RALYL: variants seen among roughly 807,000 people sequenced by gnomAD.
RALYL encodes the protein RALY RNA binding protein like.
Under a neutral mutation model 35.1 loss-of-function variants are expected in RALYL, and 29 were observed. The observed-to-expected ratio is 0.83, with a 90% confidence interval of 0.61 to 1.13. The LOEUF (loss-of-function observed/expected upper bound fraction) is 1.13, where lower values mean the gene tolerates loss of function less well. Among genes scored for constraint, RALYL ranks in the 50% most tolerant of loss-of-function variants. The probability of loss-of-function intolerance (pLI) is 0.00; values close to 1 mark genes in which losing one functional copy is unlikely to be tolerated. For missense variants in RALYL, 359 were observed against 360.4 expected (o/e 1.00, Z 0.03); for synonymous variants, 120 against 127.6 (o/e 0.94, Z 0.40).
At chr8:84,912,943 G>A (rs898675882) in intron 8 of RALYL, among the ~76,000 whole-genome samples, 5 of 151,856 alleles carry the variant, frequency 3.3e-5, no homozygotes, top group Admixed American at 3.3e-4. Context: ...GTGAAATACA[G>A]TATAAATGAT....
chr8:84,646,248 T>C lies in RALYL; in HGVS notation c.256+116671T>C, dbSNP rs944251980. Among the ~76,000 whole-genome samples, 8 of 152,060 alleles carry C rather than the reference T, an allele frequency of 5.3e-5. No homozygotes were observed. The East Asian group carries it at 1.2e-3, about 22-fold the overall frequency. On this transcript the variant is annotated intron_variant, in intron 2 of 8. Coordinates refer to ENST00000521268, the MANE Select transcript of RALYL (RefSeq NM_173848.7). ...TCTTTATTCAATACCCTTTATAAAA[T>C]TGTCATTTGAATTCATATTTTTGGT...
At chr8:84,191,155 G>C (rs1813754707) in intron 1 of RALYL, among the ~76,000 whole-genome samples, 1 of 147,322 alleles carries the variant, frequency 6.8e-6, no homozygotes, top group South Asian at 2.2e-4. Context: ...TTGTTCCCAG[G>C]ATTGTATGTG....
At chr8:84,550,894 A>G (rs1320768) in intron 2 of RALYL, among the ~76,000 whole-genome samples, 1,820 of 152,108 alleles carry the variant, frequency 0.012, 39 homozygotes, top group African/African-American at 0.04. Flanking sequence ...TTCAATATTA[A>G]GAAAACAACT....
intron 1 of RALYL, among the ~76,000 whole-genome samples, chr8:84,410,334 T>C (rs753385811): frequency 1.6e-4 from 24 of 151,942 alleles, no homozygotes; most frequent in Non-Finnish European, 2.9e-4. Flanking sequence ...CTAACCAGCC[T>C]ATTCATCACT....
chr8:84,647,084 G>T (rs1588726356), intron 2 of RALYL, among the ~76,000 whole-genome samples: 1 of 151,996 alleles, frequency 6.6e-6, no homozygotes, highest in African/African-American at 2.4e-5. Context: ...AGTTTTTTGG[G>T]AGAAGGATCA....
At chr8:84,486,604 A>T (rs1232003073) in intron 1 of RALYL, among the ~76,000 whole-genome samples, 2 of 151,952 alleles carry the variant, frequency 1.3e-5, no homozygotes, top group African/African-American at 4.8e-5. Flanking sequence ...CTTTCATATC[A>T]AATAAGAGAT....
intron 1 of RALYL, among the ~76,000 whole-genome samples, chr8:84,246,844 C>T (rs1829197013): frequency 1.3e-5 from 2 of 151,934 alleles, no homozygotes; most frequent in African/African-American, 2.4e-5. Context: ...ACTGACCAAT[C>T]TCCAAGCAAA....
At chr8:84,791,910 C>T (rs1820871022) in intron 3 of RALYL, among the ~76,000 whole-genome samples, 1 of 152,182 alleles carries the variant, frequency 6.6e-6, no homozygotes, top group African/African-American at 2.4e-5. Flanking sequence ...CCCTGTTTCC[C>T]CCCCGGCAGG....
intron 1 of RALYL, among the ~76,000 whole-genome samples, chr8:84,468,569 C>T (rs1042778067): frequency 6.8e-6 from 1 of 147,950 alleles, no homozygotes; most frequent in African/African-American, 2.4e-5. Context: ...CTCTGGCTGC[C>T]CTTAACATTT....
At chr8:84,191,168 G>A (rs752901575) in intron 1 of RALYL, among the ~76,000 whole-genome samples, 14 of 122,376 alleles carry the variant, frequency 1.1e-4, no homozygotes, top group African/African-American at 2.5e-4. Flanking sequence ...TGTATGTGTC[G>A]TGTGTGTGTG....
At chr8:84,571,681 C>G (rs1000610451) in intron 2 of RALYL, among the ~76,000 whole-genome samples, 2 of 151,184 alleles carry the variant, frequency 1.3e-5, no homozygotes, top group Non-Finnish European at 3.0e-5. Context: ...CCTGTTTTTC[C>G]AGTTTCTTAA....
At position 84,848,400 on chromosome 8, in the gene RALYL, T is replaced by A. The variant is rs563952886; in HGVS notation, c.366-1580T>A. Among the ~76,000 whole-genome samples, 3 of 150,134 alleles carry A rather than the reference T, an allele frequency of 2.0e-5. No homozygotes were observed. In the South Asian group the frequency reaches 6.4e-4, roughly 32 times the overall value. On this transcript the variant is annotated intron_variant, in intron 4 of 8. Coordinates refer to ENST00000521268, the MANE Select transcript of RALYL (RefSeq NM_173848.7). Reference sequence around the variant, plus strand: ...TAAATATTTTGTGTGTGTGTGTGCATATATATATGTGTGTGTATATATATA... The same window carrying A: ...TAAATATTTTGTGTGTGTGTGTGCAAATATATATGTGTGTGTATATATATA...
intron 1 of RALYL, among the ~76,000 whole-genome samples, chr8:84,490,541 G>A (rs1468046779): frequency 6.6e-6 from 1 of 151,912 alleles, no homozygotes; most frequent in Non-Finnish European, 1.5e-5. Flanking sequence ...TAGAGTCAAT[G>A]AGAATAGACA....
chr8:84,810,522 T>G (rs1825675286), intron 4 of RALYL, among the ~76,000 whole-genome samples: 1 of 152,196 alleles, frequency 6.6e-6, no homozygotes, highest in Admixed American at 6.5e-5. Context: ...AGGTAAACTT[T>G]AAATCCATTG....
At chr8:84,794,988 T>C (rs933984165) in intron 3 of RALYL, among the ~76,000 whole-genome samples, 1 of 152,208 alleles carries the variant, frequency 6.6e-6, no homozygotes, top group African/African-American at 2.4e-5. Flanking sequence ...CATTAACCTG[T>C]CCCTGGAGTT....
intron 1 of RALYL, among the ~76,000 whole-genome samples, chr8:84,380,165 G>A (rs910612279): frequency 6.6e-6 from 1 of 151,574 alleles, no homozygotes; most frequent in African/African-American, 2.4e-5. Flanking sequence ...TCCTTCATTT[G>A]ATGTGATGCA....
chr8:84,767,036 C>G (rs1370609047), intron 2 of RALYL, among the ~76,000 whole-genome samples: 1 of 152,130 alleles, frequency 6.6e-6, no homozygotes, highest in African/African-American at 2.4e-5. Context: ...AGAGTCACAT[C>G]TATTTGGGTG....
intron 1 of RALYL, among the ~76,000 whole-genome samples, chr8:84,501,468 T>G (rs933164602): frequency 2.0e-5 from 3 of 152,044 alleles, no homozygotes; most frequent in Non-Finnish European, 4.4e-5. Flanking sequence ...GTTGGTAATA[T>G]TCCAATAAAA....
intron 2 of RALYL, among the ~76,000 whole-genome samples, chr8:84,650,321 A>C (rs1452106521): frequency 2.0e-5 from 3 of 152,168 alleles, no homozygotes; most frequent in East Asian, 3.9e-4. Context: ...CAACCTACTC[A>C]TCTGACAAAG....
Sources: allele counts gnomAD v4.1 joint callset (sites outside exome capture counted in the v4.1 genomes callset), GRCh38; gene constraint gnomAD v4.1.1; transcripts MANE v1.5; gene names NCBI Gene and HGNC (gene_info 2026-07-23, HGNC 2026-07-21).